RTP5: variants seen among roughly 807,000 people sequenced by gnomAD.
RTP5 encodes receptor-transporting protein 5.
A neutral mutation model predicts 23.5 loss-of-function variants in RTP5; 30 were observed. The observed-to-expected ratio is 1.27, with a 90% CI of 0.95 to 1.73. The LOEUF (loss-of-function observed/expected upper bound fraction) is 1.73, where lower values mean the gene tolerates loss of function less well. Ranked by LOEUF, RTP5 falls within the 40% of genes most tolerant of loss-of-function variation. The pLI is 0.00. For synonymous variants in RTP5, 354 were observed against 342.1 expected (o/e 1.03, Z -0.38); for missense variants, 807 against 784.2 (o/e 1.03, Z -0.35).
Position 241,872,466 on chromosome 2 carries a change from A to G in RTP5, c.911A>G (p.Gln304Arg). The G allele has an allele frequency of 6.3e-7, 1 of 1,599,112 alleles. No homozygotes were observed. ...GSLCSPVGVAQGWGPISLNNG... is the reference protein window; with the variant it reads ...GSLCSPVGVARGWGPISLNNG... ...CTCTGCAGCCCGGTTGGCGTGGCCC[A>G]GGGCTGGGGCCCCATCTCCCTCAAC... The change falls in exon 2 of 2, where the codon CAG becomes CGG. Residue 304 changes from glutamine to arginine, a missense_variant. Transcript: ENST00000343216.
intron 1 of RTP5, among the ~76,000 whole-genome samples, chr2:241,870,221 C>T (rs1021057224): frequency 3.9e-5 from 6 of 152,246 alleles, no homozygotes; most frequent in African/African-American, 1.2e-4. Context: ...TTCCATGGCA[C>T]TGCCGTGGTC....
rs374330960 is a variant in RTP5 at position 241,871,709 on chromosome 2, C to T, written c.159-5C>T. 3.9e-5 allele frequency: 63 copies of T among 1,596,122 alleles called. No homozygotes were observed. Among genetic ancestry groups the T allele is most frequent in the Admixed American group, 8.7e-5 (5 of 57,756 alleles). On this transcript the variant is annotated splice_polypyrimidine_tract_variant and splice_region_variant and intron_variant, in intron 1 of 1. Coordinates refer to ENST00000343216, the MANE Select transcript of RTP5 (RefSeq NM_173821.3). ...CACTCACACACACTTCTTTCCCCGC[C>T]GCAGGCTCCAGTGCGGTCACTGTCC... is the stretch of plus-strand genomic sequence containing the variant.
rs776289735 is a variant in RTP5 at position 241,871,703 on chromosome 2, C to T, written c.159-11C>T. On this transcript the variant is annotated splice_polypyrimidine_tract_variant and intron_variant, in intron 1 of 1. Coordinates refer to ENST00000343216, the MANE Select transcript of RTP5 (RefSeq NM_173821.3). ...CTCCTGCACTCACACACACTTCTTT[C>T]CCCGCCGCAGGCTCCAGTGCGGTCA... 28 of 1,589,112 alleles carry T rather than the reference C, an allele frequency of 1.8e-5. No individual in the cohort carries two copies. The African/African-American group carries it at 3.4e-4, about 19-fold the overall frequency.
Position 241,872,246 on chromosome 2 carries a change from C to T in RTP5, c.691C>T (p.Pro231Ser), listed in dbSNP as rs1701336216. The T allele has an allele frequency of 3.7e-6, 6 of 1,604,506 alleles. No homozygotes were observed. The highest frequency in any genetic ancestry group is 3.4e-6 in the Non-Finnish European group (4 of 1,174,872). Residue 231 changes from proline to serine, a missense_variant, in exon 2 of 2, where the codon CCT becomes TCT. By Grantham distance (74) the Pro-to-Ser change is moderately conservative. Transcript: ENST00000343216. ...GPAPPAGASL[P>S]VTGSCEALVI... ...TGCCCCCCCTGCGGGGGCCTCTCTCCCTGTGACTGGCAGCTGTGAGGCCCT... is the reference window on the plus strand; with the variant it reads ...TGCCCCCCCTGCGGGGGCCTCTCTCTCTGTGACTGGCAGCTGTGAGGCCCT...
At chr2:241,871,210 A>AC (rs1361103932) in intron 1 of RTP5, 2 of 378,042 alleles carry the variant, frequency 5.3e-6, no homozygotes, top group African/African-American at 2.1e-5. Context: ...CAGGACAGGG[A>AC]CCCCCACTTG....
chr2:241,871,691 A>T, intron 1 of RTP5, 23 bp from the exon 2 acceptor site: 1 of 1,574,332 alleles, frequency 6.4e-7, no homozygotes, highest in Admixed American at 1.8e-5. Flanking sequence ...CTGCACTCAC[A>T]CACACTTCTT....
chr2:241,869,915 G>A lies in RTP5; in HGVS notation c.158+1G>A. 2.0e-6 allele frequency: 3 copies of A among 1,527,102 alleles called. No homozygotes were observed. The highest frequency in any genetic ancestry group is 2.6e-6 in the Non-Finnish European group (3 of 1,141,004). The allele number at this position is 1,527,102 out of a possible 1,614,324, so 94.6% of individuals were successfully genotyped here. On this transcript the variant is annotated splice_donor_variant, in intron 1 of 1. Transcript: ENST00000343216. LOFTEE classifies it high-confidence loss of function. The stretch of plus-strand genomic sequence containing the variant: ...AGTACCTGCTGGTGGGGCTCTCGAG[G>A]TGCGGCCAGAGGTTGGGGACCCTGG...
chr2:241,871,194 CTCAG>C, intron 1 of RTP5: 2 of 403,158 alleles, frequency 5.0e-6, no homozygotes, highest in East Asian at 1.4e-4. Context: ...ATCGCCTCCT[CTCAG>C]TCAGGACAGG....
chr2:241,872,825 C>T lies in RTP5; in HGVS notation c.1270C>T (p.Pro424Ser). ...PSQVKGSLAL[P>S]FPADVQGKDA... ...CCAGGTCAAGGGCTCCCTTGCCCTC[C>T]CCTTCCCTGCTGATGTCCAAGGCAA... Residue 424 changes from proline (P) to serine (S), a missense_variant, in exon 2 of 2, where the codon CCC (proline) becomes TCC (serine). Coordinates refer to ENST00000343216, the MANE Select transcript of RTP5 (RefSeq NM_173821.3). The T allele has an allele frequency of 6.2e-7, 1 of 1,612,630 alleles. No homozygotes were observed. Among genetic ancestry groups the T allele is most frequent in the East Asian group, 2.2e-5 (1 of 44,818 alleles).
Position 241,869,765 on chromosome 2 carries a change from G to A in RTP5, c.9G>A (p.Arg3=). The A allele has an allele frequency of 1.3e-6, 2 of 1,531,266 alleles. No individual in the cohort carries two copies. Among genetic ancestry groups the A allele is most frequent in the African/African-American group, 1.4e-5 (1 of 72,396 alleles). The allele number at this position is 1,531,266 out of a possible 1,614,324, so 94.9% of individuals were successfully genotyped here. A position where few individuals can be genotyped will look rare whatever the true frequency, so the allele number is the denominator to read the frequency against. ...CGGAGCCAGGCGGCAGCATGGACCG[G>A]GCTGGGGCAGACATGTGGGCCAGCA... MD[R]AGADMWASTF... Residue 3 remains arginine (R), a synonymous_variant, in exon 1 of 2, where the codon CGG becomes CGA. Coordinates refer to ENST00000343216, the MANE Select transcript of RTP5 (RefSeq NM_173821.3).
In RTP5 at chr2:241,871,889, C is replaced by A; in HGVS notation, c.334C>A (p.Pro112Thr). 4 of 1,558,580 alleles carry A rather than the reference C, an allele frequency of 2.6e-6. No homozygotes were observed. The highest frequency in any genetic ancestry group is 1.7e-6 in the Non-Finnish European group (2 of 1,149,776). ...DCQVRPPGEQ[P>T]FLSRLVLHIL... is the part of the protein sequence containing the mutation. ...CCAGGTGAGGCCCCCGGGCGAGCAG[C>A]CCTTCCTCAGCAGGCTGGTCTTGCA... is the stretch of plus-strand genomic sequence containing the variant. The change falls in exon 2 of 2, where the codon CCC becomes ACC. Residue 112 changes from proline (P) to threonine (T), a missense_variant. Transcript: ENST00000343216.
chr2:241,871,704 C>A lies in RTP5; in HGVS notation c.159-10C>A. 1 of 1,590,266 alleles carries A rather than the reference C, an allele frequency of 6.3e-7. No homozygotes were observed. The highest frequency in any genetic ancestry group is 8.6e-7 in the Non-Finnish European group (1 of 1,169,164). ...TCCTGCACTCACACACACTTCTTTC[C>A]CCGCCGCAGGCTCCAGTGCGGTCAC... On this transcript the variant is annotated splice_polypyrimidine_tract_variant and intron_variant, in intron 1 of 1. Transcript: ENST00000343216.
In RTP5 at chr2:241,872,488, C is replaced by T. The variant is rs775027014; in HGVS notation, c.933C>T (p.Leu311=). 2.5e-6 allele frequency: 4 copies of T among 1,594,354 alleles called. No homozygotes were observed. The highest frequency in any genetic ancestry group is 1.1e-5 in the South Asian group (1 of 89,104). Residue 311 remains leucine (L), a synonymous_variant, in exon 2 of 2, where the codon CTC becomes CTT. Transcript: ENST00000343216. ...CCCAGGGCTGGGGCCCCATCTCCCT[C>T]AACAATGGCCTCGTCCCTGTGGGGA... ...GVAQGWGPIS[L]NNGLVPVGKH...
rs202014146 is a variant in RTP5, at chr2:241,872,695, C to T, written c.1140C>T (p.Ala380=). ...FPFIFTDVKD[A]VAEVAEGNGK... is the part of the protein sequence containing the mutation. Reference sequence around the variant, plus strand: ...TCATCTTTACTGATGTCAAGGATGCCGTTGCTGAGGTGGCTGAAGGCAACG... The same window carrying T: ...TCATCTTTACTGATGTCAAGGATGCTGTTGCTGAGGTGGCTGAAGGCAACG... Residue 380 remains alanine (A), a synonymous_variant, in exon 2 of 2, where the codon GCC becomes GCT. Transcript: ENST00000343216. The T allele has an allele frequency of 2.1e-4, 340 of 1,602,590 alleles. 3 individuals are homozygous for T. In the South Asian group the frequency reaches 3.0e-3, roughly 14 times the overall value.
Position 241,872,386 on chromosome 2 carries a change from C to T in RTP5, c.831C>T (p.Gly277=). 1.9e-6 allele frequency: 3 copies of T among 1,612,514 alleles called. No individual in the cohort carries two copies. Among genetic ancestry groups the T allele is most frequent in the Non-Finnish European group, 2.5e-6 (3 of 1,179,902 alleles). ...TCTTCCACGGCCCCGGCCTCCTCGG[C>T]AGCAGCATCCAGACCTTCGAGCTCA... ...DPLFHGPGLL[G]SSIQTFELKG... is the part of the protein sequence containing the mutation. Residue 277 remains glycine, a synonymous_variant, in exon 2 of 2, where the codon GGC becomes GGT. Coordinates refer to ENST00000343216, the MANE Select transcript of RTP5 (RefSeq NM_173821.3).
intron 1 of RTP5, among the ~76,000 whole-genome samples, chr2:241,870,227 T>C (rs968171088): frequency 2.0e-5 from 3 of 152,218 alleles, no homozygotes; most frequent in Non-Finnish European, 2.9e-5. Context: ...GGCACTGCCG[T>C]GGTCTCGCAG....
In RTP5 at chr2:241,871,964, A is replaced by C. The variant is rs1350208084; in HGVS notation, c.409A>C (p.Arg137=). 1.3e-6 allele frequency: 2 copies of C among 1,593,022 alleles called. No individual in the cohort carries two copies. The highest frequency in any genetic ancestry group is 1.7e-6 in the Non-Finnish European group (2 of 1,169,622). ...GDGPGPARHP[R]EAYEGCCEAC... is the part of the protein sequence containing the mutation. Reference sequence around the variant, plus strand: ...TGGCCCCGGCCCAGCCCGGCACCCCAGGGAGGCCTATGAGGGCTGCTGTGA... The same window carrying C: ...TGGCCCCGGCCCAGCCCGGCACCCCCGGGAGGCCTATGAGGGCTGCTGTGA... Residue 137 remains arginine (R), a synonymous_variant, in exon 2 of 2, where the codon AGG becomes CGG. Coordinates refer to ENST00000343216, the MANE Select transcript of RTP5 (RefSeq NM_173821.3).
Position 241,872,813 on chromosome 2 carries a change from T to C in RTP5, c.1258T>C (p.Ser420Pro). ...TGGCCTCCCCTCCCAGGTCAAGGGC[T>C]CCCTTGCCCTCCCCTTCCCTGCTGA... ...AGGLPSQVKG[S>P]LALPFPADVQ... Residue 420 changes from serine to proline, a missense_variant, in exon 2 of 2, where the codon TCC becomes CCC. Transcript: ENST00000343216. 1.2e-6 allele frequency: 2 copies of C among 1,611,914 alleles called. No individual in the cohort carries two copies. Among genetic ancestry groups the C allele is most frequent in the Non-Finnish European group, 1.7e-6 (2 of 1,179,460 alleles).
rs1354179191 is a variant in RTP5, at chr2:241,873,626, C to G, written c.*352C>G. 7 of 166,432 alleles carry G rather than the reference C, an allele frequency of 4.2e-5. No homozygotes were observed. The highest frequency in any genetic ancestry group is 7.0e-5 in the Non-Finnish European group (6 of 85,348). 10.3% of individuals were successfully genotyped at this position (166,432 alleles called of 1,614,324 possible). On this transcript the variant is annotated 3_prime_UTR_variant, in exon 2 of 2. Coordinates refer to ENST00000343216, the MANE Select transcript of RTP5 (RefSeq NM_173821.3). ...CCCCCGCCTCCGAGACCCCGCTTCA[C>G]CTCCGAGGCCCCGCCCCCCGCCTCC...
Sources: allele counts gnomAD v4.1 joint callset (sites outside exome capture counted in the v4.1 genomes callset), GRCh38; gene constraint gnomAD v4.1.1; transcripts MANE v1.5; gene names NCBI Gene and HGNC (gene_info 2026-07-23, HGNC 2026-07-21).